The following PZP variants were observed in gnomAD, a reference collection of about 807,000 sequenced individuals.
PZP encodes PZP alpha-2-macroglobulin like.
Under a neutral mutation model 179.8 loss-of-function variants are expected in PZP, and 150 were observed. That is an observed-to-expected ratio of 0.83 (90% CI 0.73 to 0.96). The LOEUF is 0.96. Among genes scored for constraint, PZP ranks in the 40% least tolerant of loss-of-function variants. PZP has a pLI of 0.00. For missense variants in PZP, 1,689 were observed against 1,764.0 expected (o/e 0.96, Z 0.76); for synonymous variants, 624 against 652.3 (o/e 0.96, Z 0.66).
intron 4 of PZP, among the ~76,000 whole-genome samples, chr12:9,201,851 G>A (rs1944177323): frequency 6.6e-6 from 1 of 151,960 alleles, no homozygotes; most frequent in African/African-American, 2.4e-5. Context: ...TTGAAGGTAA[G>A]TTGAAAAAAG....
chr12:9,154,602 T>C lies in PZP; in HGVS notation c.3774+14A>G, dbSNP rs762252697. 4.3e-6 allele frequency: 7 copies of C among 1,612,036 alleles called. No individual in the cohort carries two copies. The highest frequency in any genetic ancestry group is 3.3e-5 in the South Asian group (3 of 90,862). ...AGTGAACCTGGAGCAGAAGACTCTT[T>C]GGGAACCACTGACCTGGGTGGAGGA... On this transcript the variant is annotated intron_variant, in intron 29 of 35. Coordinates refer to ENST00000261336, the MANE Select transcript of PZP (RefSeq NM_002864.3).
rs1942763280 is a variant in PZP at position 9,181,574 on chromosome 12, T to C, written c.1689+401A>G. ...ATAGCTTCTCGGTAGCTTAGTCTTG[T>C]CCTAAGGAGATAACTGAGGCAGAAT... On this transcript the variant is annotated intron_variant, in intron 14 of 35. Transcript: ENST00000261336. Among the ~76,000 whole-genome samples the C allele has an allele frequency of 2.0e-5, 3 of 152,330 alleles. No individual in the cohort carries two copies. The South Asian group carries it at 6.2e-4, about 32-fold the overall frequency.
chr12:9,201,071 A>G lies in PZP; in HGVS notation c.502-11T>C. 6.2e-7 allele frequency: 1 copy of G among 1,613,562 alleles called. No individual in the cohort carries two copies. The highest frequency in any genetic ancestry group is 8.5e-7 in the Non-Finnish European group (1 of 1,179,756). Reference sequence around the variant, plus strand: ...ATTTCTTCTTGGGTTCTGAAGGGAAACAAGAAACATGGGCGGTAATCATTT... The same window carrying G: ...ATTTCTTCTTGGGTTCTGAAGGGAAGCAAGAAACATGGGCGGTAATCATTT... On this transcript the variant is annotated splice_polypyrimidine_tract_variant and intron_variant, in intron 5 of 35. Transcript: ENST00000261336.
chr12:9,164,555 C>G (rs1387072386), intron 19 of PZP, among the ~76,000 whole-genome samples: 1 of 152,198 alleles, frequency 6.6e-6, no homozygotes, highest in East Asian at 1.9e-4. Context: ...GGAATACTAT[C>G]TGCTGCTATG....
Position 9,157,167 on chromosome 12 carries a change from G to A in PZP, c.3550+8C>T, listed in dbSNP as rs759539916. ...CATTGTTCAGCTCCCACTTATAAGT[G>A]CTCTCACCTTCTTTCACAGCTTCCT... On this transcript the variant is annotated splice_region_variant and intron_variant, in intron 28 of 35. Coordinates refer to ENST00000261336, the MANE Select transcript of PZP (RefSeq NM_002864.3). 4 of 1,611,026 alleles carry A rather than the reference G, an allele frequency of 2.5e-6. No individual in the cohort carries two copies. The South Asian group carries it at 4.4e-5, about 18-fold the overall frequency.
rs1281395524 is a variant in PZP, at chr12:9,152,819, C to T, written c.4121+5G>A. 1.2e-6 allele frequency: 2 copies of T among 1,613,898 alleles called. No homozygotes were observed. Among genetic ancestry groups the T allele is most frequent in the African/African-American group, 2.7e-5 (2 of 74,930 alleles). On this transcript the variant is annotated splice_donor_5th_base_variant and intron_variant, in intron 31 of 35. Coordinates refer to ENST00000261336, the MANE Select transcript of PZP (RefSeq NM_002864.3). ...AAGATAGGTGATTAGGTTAGAACGT[C>T]TTACCTGATGGTCAGTGAGATCTGA... is the stretch of plus-strand genomic sequence containing the variant.
chr12:9,160,986 A>G, intron 23 of PZP, 47 bp downstream of exon 23: 1 of 1,381,032 alleles, frequency 7.2e-7, no homozygotes, highest in Non-Finnish European at 1.0e-6. Flanking sequence ...TAAGATGTAC[A>G]GTGGCAACTC....
chr12:9,155,703 C>T (rs1355952013), intron 28 of PZP, among the ~76,000 whole-genome samples: 1 of 152,036 alleles, frequency 6.6e-6, no homozygotes, highest in African/African-American at 2.4e-5. Flanking sequence ...TTTTAGACAA[C>T]CTCTATGACA....
Position 9,194,246 on chromosome 12 carries a change from A to G in PZP, c.1093-8T>C. The G allele has an allele frequency of 6.2e-7, 1 of 1,613,474 alleles. No individual in the cohort carries two copies. Reference sequence around the variant, plus strand: ...TCCATCCACCAGAAGCACCTAAAGAAGAAAAGTACTTGATAGTTGATGTGA... The same window carrying G: ...TCCATCCACCAGAAGCACCTAAAGAGGAAAAGTACTTGATAGTTGATGTGA... On this transcript the variant is annotated splice_polypyrimidine_tract_variant and splice_region_variant and intron_variant, in intron 10 of 35. Transcript: ENST00000261336.
chr12:9,175,853 G>A (rs746919511), intron 15 of PZP, among the ~76,000 whole-genome samples: 2 of 152,156 alleles, frequency 1.3e-5, no homozygotes, highest in Admixed American at 1.3e-4. Flanking sequence ...TTTTTTTACT[G>A]TTGTGGGGAG....
intron 13 of PZP, among the ~76,000 whole-genome samples, chr12:9,191,716 A>G (rs926084469): frequency 6.6e-6 from 1 of 152,124 alleles, no homozygotes; most frequent in Non-Finnish European, 1.5e-5. Context: ...ATAGAAAACG[A>G]TCTTGGTTCC....
Position 9,192,543 on chromosome 12 carries a change from C to T in PZP, c.1451G>A (p.Gly484Glu). The change falls in exon 12 of 36, where the codon GGA (glycine) becomes GAA (glutamate). Residue 484 changes from glycine to glutamate, a missense_variant. By Grantham distance (98) the Gly-to-Glu change is moderately conservative. Transcript: ENST00000261336. The part of the protein sequence containing the change: ...AHYTLNRQAM[G>E]ELSELSFHYL... The stretch of plus-strand genomic sequence containing the variant: ...ATGGAAACTGAGCTCCGATAACTCT[C>T]CCATGGCCTGTCTATTCAGTGTATA... The T allele has an allele frequency of 6.2e-7, 1 of 1,614,152 alleles. No individual in the cohort carries two copies. The highest frequency in any genetic ancestry group is 8.5e-7 in the Non-Finnish European group (1 of 1,179,972).
At chr12:9,147,850 T>G (rs1940091574), downstream of PZP, among the ~76,000 whole-genome samples, 2 of 152,226 alleles carry the variant, frequency 1.3e-5, no homozygotes, top group African/African-American at 4.8e-5. Flanking sequence ...GTTGCCTTTA[T>G]GTATGAATTT....
At position 9,148,894 on chromosome 12, in the gene PZP, T is replaced by A; in HGVS notation, c.*78A>T. ...GCAAATATTTTTAGTGTCTATTTTATAGAGACAAATAACTCCATTCCTTCT... is the reference window on the plus strand; with the variant it reads ...GCAAATATTTTTAGTGTCTATTTTAAAGAGACAAATAACTCCATTCCTTCT... On this transcript the variant is annotated 3_prime_UTR_variant, in exon 36 of 36. Coordinates refer to ENST00000261336, the MANE Select transcript of PZP (RefSeq NM_002864.3). 2 of 1,291,148 alleles carry A rather than the reference T, an allele frequency of 1.5e-6. No homozygotes were observed. The highest frequency in any genetic ancestry group is 2.2e-6 in the Non-Finnish European group (2 of 901,606). 80.0% of individuals were successfully genotyped at this position (1,291,148 alleles called of 1,614,324 possible). A position where few individuals can be genotyped will look rare whatever the true frequency, so the allele number is the denominator to read the frequency against.
rs753783615 is a variant in PZP, at chr12:9,192,755, A to C, written c.1255-16T>G. The C allele has an allele frequency of 6.5e-7, 1 of 1,534,384 alleles. No individual in the cohort carries two copies. Among genetic ancestry groups the C allele is most frequent in the South Asian group, 1.1e-5 (1 of 88,710 alleles). On this transcript the variant is annotated splice_polypyrimidine_tract_variant and intron_variant, in intron 11 of 35. Transcript: ENST00000261336. Reference sequence around the variant, plus strand: ...CAGTGAAAACCTGAGTAAACAGAAAAGCAAAGAAAGAATACTGTCTTGAAA... The same window carrying C: ...CAGTGAAAACCTGAGTAAACAGAAACGCAAAGAAAGAATACTGTCTTGAAA...
chr12:9,196,458 C>A lies in PZP; in HGVS notation c.983-19G>T. ...TCCAGGTCTGAAAAATATAAAGAGT[C>A]AGTACTTTTAGAAGTTACTTTAGTC... On this transcript the variant is annotated intron_variant, in intron 9 of 35. Transcript: ENST00000261336. 1.3e-6 allele frequency: 2 copies of A among 1,590,004 alleles called. No individual in the cohort carries two copies. Among genetic ancestry groups the A allele is most frequent in the South Asian group, 1.1e-5 (1 of 90,334 alleles).
At chr12:9,146,353 A>G (rs753015697), downstream of PZP, among the ~76,000 whole-genome samples, 18 of 151,830 alleles carry the variant, frequency 1.2e-4, no homozygotes, top group African/African-American at 3.9e-4. Flanking sequence ...CTTCAGCTCA[A>G]TGATTTCTGC....
At chr12:9,139,447 C>T in the PZP span, among the ~76,000 whole-genome samples, 51 of 152,204 alleles carry the variant, frequency 3.4e-4, no homozygotes, top group African/African-American at 1.1e-3. Flanking sequence ...TCCATTTGGT[C>T]TATTGTGTTA....
At chr12:9,158,752 CTTTTCTTTTTTT>C (rs1940951143) in intron 25 of PZP, among the ~76,000 whole-genome samples, 176 bp from the exon 26 acceptor site, 1 of 97,832 alleles carries the variant, frequency 1.0e-5, no homozygotes, top group Non-Finnish European at 2.0e-5. Flanking sequence ...TTTTTCTTTT[CTTTTCTTTTTTT>C]TTTTTTTTTT....
Sources: gnomAD v4.1 joint callset for allele counts (sites outside exome capture counted in the v4.1 genomes callset) on GRCh38, gnomAD v4.1.1 for gene constraint, MANE v1.5 for transcripts, NCBI Gene and HGNC (gene_info 2026-07-23, HGNC 2026-07-21) for gene names.